Variants in KCNU1 observed in about 807,000 individuals in gnomAD.
KCNU1 encodes the protein potassium calcium-activated channel subfamily U member 1, also known as potassium channel subfamily U member 1.
In KCNU1, 93 loss-of-function variants were observed where a neutral mutation model predicts 126.8. The ratio of observed to expected loss-of-function variants is 0.73; its 90% CI spans 0.62 to 0.87. KCNU1 has a LOEUF of 0.87. KCNU1 is among the 40% of genes least tolerant of loss of function. KCNU1 has a pLI of 0.00. For synonymous variants in KCNU1, 523 were observed against 494.2 expected (o/e 1.06, Z -0.77); for missense variants, 1,330 against 1,367.1 (o/e 0.97, Z 0.43).
At chr8:36,894,633 T>G (rs1037270474) in intron 19 of KCNU1, among the ~76,000 whole-genome samples, 1 of 152,110 alleles carries the variant, frequency 6.6e-6, no homozygotes, top group African/African-American at 2.4e-5. Context: ...TTAGTTATTA[T>G]TTATTCAAGG....
intron 16 of KCNU1, 56 bp from the exon 17 acceptor site, chr8:36,845,524 C>T (rs1805109834): frequency 1.0e-6 from 1 of 1,004,472 alleles, no homozygotes. Context: ...GAGGCACCAA[C>T]TGTTGCCACT....
chr8:36,881,077 C>A (rs1806458042), intron 19 of KCNU1, among the ~76,000 whole-genome samples: 1 of 152,130 alleles, frequency 6.6e-6, no homozygotes, highest in Admixed American at 6.5e-5. Flanking sequence ...AGACTTCCTA[C>A]ACACTGAAGG....
At chr8:36,897,006 A>T (rs1807217555) in intron 19 of KCNU1, among the ~76,000 whole-genome samples, 1 of 152,044 alleles carries the variant, frequency 6.6e-6, no homozygotes. Flanking sequence ...AGAGAGATGC[A>T]TGTGCTTCTG....
Position 36,909,335 on chromosome 8 carries a change from A to G in KCNU1, c.2131A>G (p.Lys711Glu). 1.2e-6 allele frequency: 2 copies of G among 1,613,326 alleles called. No homozygotes were observed. Among genetic ancestry groups the G allele is most frequent in the Non-Finnish European group, 1.7e-6 (2 of 1,179,292 alleles). Residue 711 changes from lysine to glutamate, a missense_variant, in exon 21 of 27, where the codon AAG becomes GAG. Physicochemically the swap from Lys to Glu is moderately conservative, Grantham distance 56. Coordinates refer to ENST00000399881, the MANE Select transcript of KCNU1 (RefSeq NM_001031836.3). ...GAAACGAACTGGCAAGTCAAAGTAT[A>G]AGTTTCGGAACCATATTGTAGCATG... ...TLKRTGKSKY[K>E]FRNHIVACVF...
chr8:36,910,524 G>A (rs1466900107), intron 21 of KCNU1, among the ~76,000 whole-genome samples: 1 of 152,142 alleles, frequency 6.6e-6, no homozygotes, highest in Non-Finnish European at 1.5e-5. Flanking sequence ...AGTATAAGTA[G>A]GGCCAGCTGT....
At chr8:36,832,140 A>G (rs1408460114) in intron 10 of KCNU1, among the ~76,000 whole-genome samples, 1 of 152,212 alleles carries the variant, frequency 6.6e-6, no homozygotes, top group Non-Finnish European at 1.5e-5. Context: ...TGGTACCAGT[A>G]CCATGCTGTT....
At chr8:36,790,879 G>A (rs1426111544) in intron 2 of KCNU1, among the ~76,000 whole-genome samples, 2 of 151,602 alleles carry the variant, frequency 1.3e-5, no homozygotes, top group East Asian at 3.9e-4. Flanking sequence ...CCCCCAAATA[G>A]CAACTTTTTA....
At chr8:36,789,528 T>C (rs1802829806) in intron 2 of KCNU1, among the ~76,000 whole-genome samples, 1 of 152,188 alleles carries the variant, frequency 6.6e-6, no homozygotes, top group African/African-American at 2.4e-5. Flanking sequence ...GTTTGCCAAG[T>C]ACATGCTAGG....
intron 9 of KCNU1, among the ~76,000 whole-genome samples, chr8:36,815,998 C>A (rs1803896310): frequency 6.6e-6 from 1 of 152,204 alleles, no homozygotes; most frequent in Non-Finnish European, 1.5e-5. Flanking sequence ...CCACTAACTT[C>A]TCCTATAGCC....
At chr8:36,838,566 G>T (rs1224174299) in intron 14 of KCNU1, among the ~76,000 whole-genome samples, 1 of 152,046 alleles carries the variant, frequency 6.6e-6, no homozygotes, top group Non-Finnish European at 1.5e-5. Flanking sequence ...GCATGGTGGC[G>T]TGAGCCTGTA....
intron 19 of KCNU1, among the ~76,000 whole-genome samples, chr8:36,885,838 A>G (rs955355953): frequency 2.6e-5 from 4 of 152,138 alleles, no homozygotes; most frequent in Non-Finnish European, 2.9e-5. Flanking sequence ...AGCATTCTCC[A>G]TTACAAGGAC....
At chr8:36,793,291 C>T (rs538529189) in intron 2 of KCNU1, among the ~76,000 whole-genome samples, 57 of 151,958 alleles carry the variant, frequency 3.8e-4, no homozygotes, top group African/African-American at 1.3e-3. Flanking sequence ...CAACGTGGCA[C>T]ATGTATATAT....
chr8:36,914,415 A>G (rs914590659), intron 22 of KCNU1, among the ~76,000 whole-genome samples: 5 of 152,206 alleles, frequency 3.3e-5, no homozygotes, highest in Non-Finnish European at 4.4e-5. Flanking sequence ...GCCTCACACA[A>G]TTAGAAAATG....
chr8:36,879,945 A>G (rs1489612455), intron 19 of KCNU1, among the ~76,000 whole-genome samples: 1 of 152,242 alleles, frequency 6.6e-6, no homozygotes, highest in Non-Finnish European at 1.5e-5. Context: ...AGCAAGACAA[A>G]CATAACAATA....
At chr8:36,905,313 C>A (rs969373903) in intron 19 of KCNU1, among the ~76,000 whole-genome samples, 2 of 152,096 alleles carry the variant, frequency 1.3e-5, no homozygotes, top group African/African-American at 4.8e-5. Context: ...AGAAATATCA[C>A]CCATGATTGA....
intron 18 of KCNU1, among the ~76,000 whole-genome samples, chr8:36,859,747 C>T (rs1805660692): frequency 6.6e-6 from 1 of 152,136 alleles, no homozygotes; most frequent in East Asian, 1.9e-4. Context: ...TCTGGATTGG[C>T]CATTTACTAA....
chr8:36,837,387 T>A (rs1011850534), intron 14 of KCNU1, among the ~76,000 whole-genome samples: 1 of 152,196 alleles, frequency 6.6e-6, no homozygotes, highest in African/African-American at 2.4e-5. Flanking sequence ...ATACAAATAG[T>A]AATTAAAATC....
rs1260135688 is a variant in KCNU1 at position 36,805,217 on chromosome 8, T to G, written c.400T>G (p.Tyr134Asp). The change falls in exon 4 of 27, where the codon TAT becomes GAT. Residue 134 changes from tyrosine to aspartate, a missense_variant. This residue lies in a region of KCNU1 where 247 missense variants were observed against 255.4 expected (regional missense o/e 0.97). Coordinates refer to ENST00000399881, the MANE Select transcript of KCNU1 (RefSeq NM_001031836.3). ...SADPVGSCSSYEDKTIPIDLV... is the reference protein window; with the variant it reads ...SADPVGSCSSDEDKTIPIDLV... ...CAGCCCTGTTGGAAGCTGTTCATCA[T>G]ATGAAGACAAAACCATTCCTATTGA... 6.2e-7 allele frequency: 1 copy of G among 1,610,612 alleles called. No homozygotes were observed. The highest frequency in any genetic ancestry group is 1.7e-5 in the Admixed American group (1 of 59,772).
chr8:36,926,433 C>T (rs1808535870), intron 24 of KCNU1, among the ~76,000 whole-genome samples: 1 of 151,988 alleles, frequency 6.6e-6, no homozygotes, highest in Admixed American at 6.6e-5. Context: ...CCACATCTCT[C>T]CCCTCCATCA....
Sources: allele counts gnomAD v4.1 joint callset (sites outside exome capture counted in the v4.1 genomes callset), GRCh38; gene constraint gnomAD v4.1.1; regional missense constraint gnomAD v4.1.1; transcripts MANE v1.5; gene names NCBI Gene and HGNC (gene_info 2026-07-23, HGNC 2026-07-21).